Variants in ZC3H11A observed in about 807,000 individuals in gnomAD.
ZC3H11A encodes zinc finger CCCH-type containing 11A, also known as zinc finger CCCH domain-containing protein 11A.
ZC3H11A carries 22 observed loss-of-function variants against 90.8 expected under a neutral mutation model. The ratio of observed to expected loss-of-function variants is 0.24; its 90% CI spans 0.17 to 0.35. The LOEUF (loss-of-function observed/expected upper bound fraction) is 0.35. ZC3H11A is among the 10% of genes least tolerant of loss of function. ZC3H11A has a pLI of 1.00. For missense variants in ZC3H11A, 701 were observed against 964.9 expected (o/e 0.73, Z 3.62); for synonymous variants, 294 against 339.8 (o/e 0.87, Z 1.48).
chr1:203,832,161 C>T (rs1682589390), intron 9 of ZC3H11A, among the ~76,000 whole-genome samples: 1 of 152,120 alleles, frequency 6.6e-6, no homozygotes, highest in South Asian at 2.1e-4. Context: ...TGGGTTCAAG[C>T]AATTTTCGTG....
At chr1:203,805,667 T>C in intron 2 of ZC3H11A, 1 of 704,054 alleles carries the variant, frequency 1.4e-6, no homozygotes, top group Non-Finnish European at 2.6e-6. Flanking sequence ...CAGAACTCCA[T>C]CCTTGTTTTT....
intron 10 of ZC3H11A, chr1:203,835,650 A>G: frequency 4.6e-6 from 1 of 216,076 alleles, no homozygotes; most frequent in Non-Finnish European, 1.0e-5. Flanking sequence ...ATTGCTTTGG[A>G]ATTTGGCATG....
chr1:203,821,951 G>A (rs1246914794), intron 4 of ZC3H11A, among the ~76,000 whole-genome samples: 2 of 152,048 alleles, frequency 1.3e-5, no homozygotes, highest in African/African-American at 4.8e-5. Context: ...TAGAGATGGG[G>A]TTTCACCGTG....
chr1:203,812,028 G>A (rs1674650531), intron 2 of ZC3H11A, among the ~76,000 whole-genome samples: 1 of 152,134 alleles, frequency 6.6e-6, no homozygotes, highest in Non-Finnish European at 1.5e-5. Context: ...TGTTGGCCAG[G>A]CTGGTCTTGA....
intron 9 of ZC3H11A, among the ~76,000 whole-genome samples, chr1:203,832,728 ATGTT>A (rs555212722): frequency 1.5e-3 from 221 of 152,350 alleles, no homozygotes; most frequent in African/African-American, 5.1e-3. Context: ...ATATATTTAA[ATGTT>A]TGTGCAATTC....
At chr1:203,828,600 A>G (rs1205428303) in intron 5 of ZC3H11A, among the ~76,000 whole-genome samples, 178 bp downstream of exon 5, 1 of 152,226 alleles carries the variant, frequency 6.6e-6, no homozygotes, top group Non-Finnish European at 1.5e-5. Context: ...TTGGCCTTAG[A>G]ACCATTATAT....
At chr1:203,798,674 C>T (rs1254411562) in intron 1 of ZC3H11A, 36 of 1,535,994 alleles carry the variant, frequency 2.3e-5, no homozygotes, top group East Asian at 1.7e-4. Context: ...GTCCTATTCC[C>T]GTTGCAGAGC....
At chr1:203,795,882 C>T (rs1035126332) in intron 1 of ZC3H11A, 88 bp downstream of exon 1, 1 of 151,894 alleles carries the variant, frequency 6.6e-6, no homozygotes, top group Non-Finnish European at 1.5e-5. Flanking sequence ...GGCCTCCCCT[C>T]GCCCCTGGGT....
At chr1:203,835,149 T>C (rs1038222727) in intron 10 of ZC3H11A, among the ~76,000 whole-genome samples, 5 of 152,250 alleles carry the variant, frequency 3.3e-5, no homozygotes, top group Non-Finnish European at 5.9e-5. Context: ...GAATCAGTTA[T>C]GCACTTTACG....
At position 203,818,554 on chromosome 1, in the gene ZC3H11A, C is replaced by T. The variant is rs1677148755; in HGVS notation, c.55-16C>T. 6.2e-7 allele frequency: 1 copy of T among 1,613,682 alleles called. No individual in the cohort carries two copies. Among genetic ancestry groups the T allele is most frequent in the African/African-American group, 1.3e-5 (1 of 74,966 alleles). ...ATTTCAATGCTACAAATAGAGTGTTCTCTATTTGTTTACAGGGTGACAGCT... is the reference window on the plus strand; with the variant it reads ...ATTTCAATGCTACAAATAGAGTGTTTTCTATTTGTTTACAGGGTGACAGCT... On this transcript the variant is annotated splice_polypyrimidine_tract_variant and intron_variant, in intron 3 of 17. Coordinates refer to ENST00000367210, the MANE Select transcript of ZC3H11A (RefSeq NM_001376342.1).
At chr1:203,832,885 A>G (rs1382070750) in intron 9 of ZC3H11A, among the ~76,000 whole-genome samples, 2 of 152,230 alleles carry the variant, frequency 1.3e-5, no homozygotes, top group Non-Finnish European at 2.9e-5. Context: ...TTTCAGCTTT[A>G]TAACCAATTG....
chr1:203,851,495 A>G (rs1394204234), intron 17 of ZC3H11A, among the ~76,000 whole-genome samples: 1 of 151,974 alleles, frequency 6.6e-6, no homozygotes, highest in African/African-American at 2.4e-5. Flanking sequence ...AGGCCTAGCT[A>G]ATTTTTGTAT....
intron 4 of ZC3H11A, among the ~76,000 whole-genome samples, chr1:203,823,514 TACAA>T (rs1238543669): frequency 6.6e-6 from 1 of 152,214 alleles, no homozygotes; most frequent in East Asian, 1.9e-4. Context: ...ATATTGTTTG[TACAA>T]ACAGTCTAGG....
chr1:203,817,557 G>T (rs1171657144), intron 3 of ZC3H11A, among the ~76,000 whole-genome samples: 2 of 152,014 alleles, frequency 1.3e-5, no homozygotes, highest in African/African-American at 4.8e-5. Flanking sequence ...ATTTCCTGCT[G>T]AGTACTAAGA....
chr1:203,806,573 G>A (rs1248523382), intron 2 of ZC3H11A, among the ~76,000 whole-genome samples: 1 of 152,178 alleles, frequency 6.6e-6, no homozygotes, highest in African/African-American at 2.4e-5. Flanking sequence ...AAAGTGCTGG[G>A]ATTATAGGCA....
rs75040727 is a variant in ZC3H11A at position 203,806,748 on chromosome 1, T to C, written c.-146+3732T>C. Among the ~76,000 whole-genome samples the C allele has an allele frequency of 6.2e-3, 941 of 152,184 alleles. 13 individuals carry two copies. The highest frequency in any genetic ancestry group is 0.042 in the East Asian group (218 of 5,178). The stretch of plus-strand genomic sequence containing the variant: ...TACCATATTGCATATGCTGATGATT[T>C]CTGGTGATTATGTGCATTTATGCTA... On this transcript the variant is annotated intron_variant, in intron 2 of 17. Transcript: ENST00000367210.
At chr1:203,798,768 C>G (rs1039278223) in intron 1 of ZC3H11A, 3 of 1,536,114 alleles carry the variant, frequency 2.0e-6, no homozygotes. Context: ...GGCAATTATC[C>G]AAATGATTGT....
At chr1:203,819,079 T>C (rs1170105028) in intron 4 of ZC3H11A, among the ~76,000 whole-genome samples, 1 of 60,020 alleles carries the variant, frequency 1.7e-5, no homozygotes, top group East Asian at 3.0e-4. Flanking sequence ...AAAAAAAAAA[T>C]ATATATATAT....
intron 11 of ZC3H11A, 123 bp downstream of exon 11, chr1:203,838,187 T>G: frequency 1.1e-6 from 1 of 922,850 alleles, no homozygotes; most frequent in East Asian, 2.7e-5. Flanking sequence ...ATTTGTTATA[T>G]TATTCACTCA....
Sources: allele counts gnomAD v4.1 joint callset (sites outside exome capture counted in the v4.1 genomes callset), GRCh38; gene constraint gnomAD v4.1.1; transcripts MANE v1.5; gene names NCBI Gene and HGNC (gene_info 2026-07-23, HGNC 2026-07-21).